SLC5A4: variants seen among roughly 807,000 people sequenced by gnomAD.
SLC5A4 encodes the protein probable glucose sensor protein SLC5A4.
Under a neutral mutation model 70.3 loss-of-function variants are expected in SLC5A4, and 55 were observed. That is an observed-to-expected ratio of 0.78 (90% CI 0.63 to 0.98). The LOEUF is 0.98. Among genes scored for constraint, SLC5A4 ranks in the 50% least tolerant of loss-of-function variants. The probability of loss-of-function intolerance (pLI) is 0.00; values close to 1 mark genes in which losing one functional copy is unlikely to be tolerated. For missense variants in SLC5A4, 735 were observed against 839.2 expected, an observed-to-expected ratio of 0.88 and a Z score of 1.53; for synonymous variants, 268 against 305.7, an observed-to-expected ratio of 0.88 and a Z score of 1.29.
At chr22:32,281,736 C>T in the SLC5A4 span, among the ~76,000 whole-genome samples, 1 of 152,132 alleles carries the variant, frequency 6.6e-6, no homozygotes, top group Non-Finnish European at 1.5e-5. Context: ...GCAATCCTTC[C>T]CGCCTCAGCC....
the SLC5A4 span, among the ~76,000 whole-genome samples, chr22:32,298,339 T>C: frequency 6.9e-6 from 1 of 144,958 alleles, no homozygotes; most frequent in South Asian, 2.3e-4. Flanking sequence ...TTGGTGCTCC[T>C]GTATTGGGTG....
intron 9 of SLC5A4, 48 bp downstream of exon 9, chr22:32,232,851 C>T (rs374911936): frequency 5.5e-5 from 85 of 1,552,020 alleles, no homozygotes; most frequent in Non-Finnish European, 7.2e-5. Context: ...AAACACTTAT[C>T]AGAATACAAG....
At chr22:32,334,964 G>A in the SLC5A4 span, among the ~76,000 whole-genome samples, 1 of 152,222 alleles carries the variant, frequency 6.6e-6, no homozygotes, top group East Asian at 1.9e-4. Context: ...GGTCCAGAAG[G>A]GACCGTGGAG....
At chr22:32,302,247 AGT>A in the SLC5A4 span, among the ~76,000 whole-genome samples, 2 of 121,496 alleles carry the variant, frequency 1.6e-5, no homozygotes, top group African/African-American at 6.2e-5. Flanking sequence ...TTTACTTTTG[AGT>A]GTTTTTTTTT....
At chr22:32,288,732 G>C in the SLC5A4 span, among the ~76,000 whole-genome samples, 10 of 152,006 alleles carry the variant, frequency 6.6e-5, no homozygotes, top group African/African-American at 2.4e-4. Context: ...TTTTAGTAGA[G>C]ACAGGGTTTC....
chr22:32,225,793 G>A lies in SLC5A4; in HGVS notation c.1311C>T (p.Ser437=). 6.2e-7 allele frequency: 1 copy of A among 1,608,766 alleles called. No homozygotes were observed. Among genetic ancestry groups the A allele is most frequent in the East Asian group, 2.2e-5 (1 of 44,830 alleles). Residue 437 remains serine (S), a synonymous_variant, in exon 12 of 15, where the codon AGC becomes AGT. Transcript: ENST00000266086. The part of the protein sequence containing the change: ...RIFVLLLTVV[S]IVWVPLVQVS... ...CTTGTACCAGTGGGACCCACACAAT[G>A]CTCACAACAGTTAATAGAAGAACAA...
intron 5 of SLC5A4, among the ~76,000 whole-genome samples, 180 bp from the exon 6 acceptor site, chr22:32,239,270 C>T (rs1026406924): frequency 1.3e-5 from 2 of 151,530 alleles, no homozygotes; most frequent in Non-Finnish European, 2.9e-5. Flanking sequence ...ACGATTTTTA[C>T]TCTCTTCACT....
the SLC5A4 span, among the ~76,000 whole-genome samples, chr22:32,304,169 C>T: frequency 1.5e-3 from 226 of 152,186 alleles, 1 homozygote; most frequent in Admixed American, 3.8e-3. Flanking sequence ...CTCTGTCATC[C>T]GGGGTGGAGT....
At chr22:32,289,509 C>T in the SLC5A4 span, among the ~76,000 whole-genome samples, 4 of 152,164 alleles carry the variant, frequency 2.6e-5, no homozygotes, top group Admixed American at 6.5e-5. Flanking sequence ...TCATTTGAGA[C>T]GGAGTTTCGC....
the SLC5A4 span, among the ~76,000 whole-genome samples, chr22:32,288,042 G>C: frequency 6.8e-6 from 1 of 147,564 alleles, no homozygotes; most frequent in Non-Finnish European, 1.5e-5. Context: ...TAGAGATGAG[G>C]TTTCACCATA....
chr22:32,229,850 A>G (rs1185087555), intron 10 of SLC5A4, among the ~76,000 whole-genome samples: 2 of 152,218 alleles, frequency 1.3e-5, no homozygotes, highest in Admixed American at 1.3e-4. Flanking sequence ...AGATTAAAGC[A>G]AAAAGAATTT....
chr22:32,230,123 T>C (rs976140544), intron 10 of SLC5A4, among the ~76,000 whole-genome samples: 1 of 152,038 alleles, frequency 6.6e-6, no homozygotes, highest in African/African-American at 2.4e-5. Flanking sequence ...GGACAGAGTG[T>C]GTGTGGATGG....
the SLC5A4 span, among the ~76,000 whole-genome samples, chr22:32,300,328 C>A: frequency 0.47 from 68,796 of 146,544 alleles, 16,437 homozygotes; most frequent in Admixed American, 0.5. Flanking sequence ...GGGCGTAGGA[C>A]CCTCTGAGCC....
chr22:32,280,173 G>A, the SLC5A4 span, among the ~76,000 whole-genome samples: 3,953 of 152,194 alleles, frequency 0.026, 53 homozygotes, highest in Admixed American at 0.032. Flanking sequence ...GCATCACCAT[G>A]CCTGGCTAAT....
At chr22:32,329,279 G>A in the SLC5A4 span, among the ~76,000 whole-genome samples, 15,525 of 152,158 alleles carry the variant, frequency 0.1, 1,305 homozygotes, top group East Asian at 0.33. Flanking sequence ...ATCTCCACCC[G>A]CCTCAGTTTA....
chr22:32,282,098 C>A, the SLC5A4 span, among the ~76,000 whole-genome samples: 7 of 152,326 alleles, frequency 4.6e-5, no homozygotes, highest in African/African-American at 7.2e-5. Flanking sequence ...CCGCCTCAGC[C>A]TCCCAAAGTG....
the SLC5A4 span, among the ~76,000 whole-genome samples, chr22:32,344,824 T>C: frequency 6.6e-6 from 1 of 152,082 alleles, no homozygotes. Flanking sequence ...TTGTACACAT[T>C]CCCCACCTTG....
At chr22:32,315,258 C>T in the SLC5A4 span, among the ~76,000 whole-genome samples, 10 of 143,908 alleles carry the variant, frequency 6.9e-5, no homozygotes, top group Non-Finnish European at 4.5e-5. Flanking sequence ...AAGATTATGA[C>T]CATCACAGAG....
At chr22:32,308,897 C>A in the SLC5A4 span, among the ~76,000 whole-genome samples, 1 of 152,192 alleles carries the variant, frequency 6.6e-6, no homozygotes, top group African/African-American at 2.4e-5. Context: ...AGGCCTGTTG[C>A]ACATGTTCCC....
Sources: allele counts gnomAD v4.1 joint callset (sites outside exome capture counted in the v4.1 genomes callset), GRCh38; gene constraint gnomAD v4.1.1; transcripts MANE v1.5; gene names NCBI Gene and HGNC (gene_info 2026-07-23, HGNC 2026-07-21).